The following CAST variants were observed in gnomAD, a reference collection of about 807,000 sequenced individuals.
CAST encodes the protein calpastatin.
A neutral mutation model predicts 119.6 loss-of-function variants in CAST; 76 were observed. The observed-to-expected ratio is 0.64, with a 90% CI of 0.53 to 0.77. The LOEUF (loss-of-function observed/expected upper bound fraction) is 0.77, where lower values mean the gene tolerates loss of function less well. Among genes scored for constraint, CAST ranks in the 30% least tolerant of loss-of-function variants. The pLI is 0.00. For synonymous variants in CAST, 319 were observed against 331.6 expected, an observed-to-expected ratio of 0.96 and a Z score of 0.41; for missense variants, 953 against 946.5, an observed-to-expected ratio of 1.01 and a Z score of -0.09.
intron 21 of CAST, 87 bp from the exon 22 acceptor site, chr5:96,754,571 T>A (rs1287472421): frequency 1.3e-6 from 1 of 786,896 alleles, no homozygotes; most frequent in South Asian, 1.6e-5. Flanking sequence ...ATGATAGATT[T>A]GTTTACCTCA....
At chr5:96,515,965 C>T in the CAST span, among the ~76,000 whole-genome samples, 20 of 62,754 alleles carry the variant, frequency 3.2e-4, no homozygotes, top group African/African-American at 1.1e-3. Context: ...TCTAGTGAGA[C>T]ATAGTCTATT....
At chr5:96,696,885 T>C (rs1024640832) in intron 3 of CAST, among the ~76,000 whole-genome samples, 1 of 151,000 alleles carries the variant, frequency 6.6e-6, no homozygotes, top group African/African-American at 2.4e-5. Context: ...AATTTTATAA[T>C]GTTAGCTAGT....
chr5:96,025,539 A>C, the CAST span, among the ~76,000 whole-genome samples: 9 of 152,280 alleles, frequency 5.9e-5, no homozygotes, highest in East Asian at 1.7e-3. Context: ...CGTATCTTCT[A>C]TGTGCAAAAC....
At chr5:96,219,011 T>C in the CAST span, among the ~76,000 whole-genome samples, 1 of 152,172 alleles carries the variant, frequency 6.6e-6, no homozygotes, top group African/African-American at 2.4e-5. Context: ...CTTAGGGGCA[T>C]TGTGAGGAAT....
intron 3 of CAST, among the ~76,000 whole-genome samples, chr5:96,705,119 A>G (rs556101115): frequency 6.6e-6 from 1 of 152,296 alleles, no homozygotes; most frequent in East Asian, 1.9e-4. Flanking sequence ...CAGGAGTTTG[A>G]GACCAGCCTG....
chr5:96,246,209 G>T, the CAST span, among the ~76,000 whole-genome samples: 4 of 1,570 alleles, frequency 2.5e-3, no homozygotes, highest in Admixed American at 0.083. Context: ...TTGAGACGGA[G>T]TCTTGCTCTG....
At chr5:96,113,633 T>C in the CAST span, among the ~76,000 whole-genome samples, 1 of 152,186 alleles carries the variant, frequency 6.6e-6, no homozygotes, top group African/African-American at 2.4e-5. Flanking sequence ...TCAGCTGGAG[T>C]GGCTTTTGCC....
chr5:96,629,823 GC>G (rs1747793374), intron 1 of CAST, among the ~76,000 whole-genome samples: 1 of 152,186 alleles, frequency 6.6e-6, no homozygotes, highest in African/African-American at 2.4e-5. Context: ...ATCAGGCTAA[GC>G]AATGTACCAC....
chr5:96,605,176 A>G (rs150650042), intron 1 of CAST, among the ~76,000 whole-genome samples: 2 of 152,284 alleles, frequency 1.3e-5, no homozygotes, highest in African/African-American at 4.8e-5. Context: ...TTGTGTATGA[A>G]ACTCTAGGGG....
the CAST span, among the ~76,000 whole-genome samples, chr5:96,348,374 G>C: frequency 6.6e-6 from 1 of 151,610 alleles, no homozygotes; most frequent in Non-Finnish European, 1.5e-5. Context: ...AGGCCTGGGA[G>C]AGAGAGGGAG....
the CAST span, among the ~76,000 whole-genome samples, chr5:96,418,068 G>A: frequency 6.6e-6 from 1 of 152,204 alleles, no homozygotes; most frequent in African/African-American, 2.4e-5. Flanking sequence ...ATGATGCAGT[G>A]TGACAGCACC....
the CAST span, among the ~76,000 whole-genome samples, chr5:96,036,469 A>C: frequency 6.6e-6 from 1 of 152,266 alleles, no homozygotes; most frequent in South Asian, 2.1e-4. Context: ...TTCATTCAGT[A>C]AACATTTACT....
chr5:96,767,461 A>G lies in CAST; in HGVS notation c.2154A>G (p.Thr718=), dbSNP rs548563516. ...AGGACAAACCAGTGAAGCCACCTAC[A>G]AAGAAATCAGAGGATTCAAAGGTAA... ...NGQDKPVKPP[T]KKSEDSKKPA... is the part of the protein sequence containing the mutation. Residue 718 remains threonine, a synonymous_variant, in exon 28 of 32, where the codon ACA becomes ACG. Transcript: ENST00000675179. 1 of 1,612,988 alleles carries G rather than the reference A, an allele frequency of 6.2e-7. No homozygotes were observed. The highest frequency in any genetic ancestry group is 1.3e-5 in the African/African-American group (1 of 75,012).
At chr5:96,341,318 A>C in the CAST span, among the ~76,000 whole-genome samples, 1 of 148,900 alleles carries the variant, frequency 6.7e-6, no homozygotes, top group African/African-American at 2.5e-5. Context: ...ATTCCTGCCC[A>C]CTCCCATCCC....
the CAST span, among the ~76,000 whole-genome samples, chr5:95,973,946 A>G: frequency 2.3e-4 from 35 of 152,056 alleles, no homozygotes; most frequent in Non-Finnish European, 3.8e-4. Flanking sequence ...ACCCGTGTAC[A>G]CTACAGCATT....
At chr5:96,597,596 C>T (rs72772020) in intron 1 of CAST, among the ~76,000 whole-genome samples, 6,366 of 152,250 alleles carry the variant, frequency 0.042, 164 homozygotes, top group African/African-American at 0.077. Flanking sequence ...TCACACTCCT[C>T]CGTTAGTTTG....
rs1376402242 is a variant in CAST at position 96,729,654 on chromosome 5, G to A, written c.478G>A (p.Asp160Asn). 6.9e-6 allele frequency: 11 copies of A among 1,602,930 alleles called. No individual in the cohort carries two copies. The highest frequency in any genetic ancestry group is 4.0e-5 in the African/African-American group (3 of 74,796). The change falls in exon 8 of 32, where the codon GAT (aspartate) becomes AAT (asparagine). Residue 160 changes from aspartate to asparagine, a missense_variant. Transcript: ENST00000675179. The stretch of plus-strand genomic sequence containing the variant: ...GCAGGCATCAGATACAGGAAGTAAC[G>A]ATGCTCACAATAAAAAAGCAGTTTC... ...PKQASDTGSNDAHNKKAVSRS... is the reference protein window; with the variant it reads ...PKQASDTGSNNAHNKKAVSRS...
At chr5:96,534,825 GAAA>G (rs1745770970) in intron 1 of CAST, among the ~76,000 whole-genome samples, 6 of 134,882 alleles carry the variant, frequency 4.4e-5, no homozygotes, top group Middle Eastern at 3.9e-3. Context: ...AGAAAGAAAA[GAAA>G]GAAGGAAAGA....
At chr5:96,737,118 C>G (rs747316565) in intron 10 of CAST, among the ~76,000 whole-genome samples, 5 of 152,162 alleles carry the variant, frequency 3.3e-5, no homozygotes. Flanking sequence ...CTCCCTTCCT[C>G]GACACGTGGG....
Sources: gnomAD v4.1 joint callset for allele counts (sites outside exome capture counted in the v4.1 genomes callset) on GRCh38, gnomAD v4.1.1 for gene constraint, MANE v1.5 for transcripts, NCBI Gene and HGNC (gene_info 2026-07-23, HGNC 2026-07-21) for gene names.